ADSS1: variants seen among roughly 807,000 people sequenced by gnomAD.
ADSS1 encodes adenylosuccinate synthetase isozyme 1.
A neutral mutation model predicts 59.1 loss-of-function variants in ADSS1; 57 were observed. That is an observed-to-expected ratio of 0.97 (90% CI 0.78 to 1.20). The LOEUF (loss-of-function observed/expected upper bound fraction) is 1.20. Ranked by LOEUF, ADSS1 falls within the 50% of genes most tolerant of loss-of-function variation. ADSS1 has a pLI of 0.00. For missense variants in ADSS1, 603 were observed against 610.3 expected, an observed-to-expected ratio of 0.99 and a Z score of 0.13; for synonymous variants, 247 against 249.4, an observed-to-expected ratio of 0.99 and a Z score of 0.09.
chr14:104,740,676 C>T lies in ADSS1; in HGVS notation c.552C>T (p.Asp184=), dbSNP rs1286201304. 2 of 1,614,000 alleles carry T rather than the reference C, an allele frequency of 1.2e-6. No homozygotes were observed. Among genetic ancestry groups the T allele is most frequent in the Non-Finnish European group, 8.5e-7 (1 of 1,180,006 alleles). The change falls in exon 6 of 13, where the codon GAC becomes GAT. Residue 184 remains aspartate, a synonymous_variant. Coordinates refer to ENST00000330877, the MANE Select transcript of ADSS1 (RefSeq NM_152328.5). The surrounding 1 kb of genome is among the most constrained non-coding windows in gnomAD (Gnocchi z 4.8). ...CCCGGACAGGCCTCCGCATCTGCGA[C>T]CTCCTGTCAGATTTTGATGAGTTTT... The part of the protein sequence containing the change: ...KAARTGLRIC[D]LLSDFDEFSS...
chr14:104,736,188 G>A (rs916683466), intron 2 of ADSS1, among the ~76,000 whole-genome samples: 2 of 152,226 alleles, frequency 1.3e-5, no homozygotes, highest in Admixed American at 6.5e-5. Flanking sequence ...GTGGGGCCAG[G>A]ACAGTGTGGG....
chr14:104,738,272 A>T (rs1034746860), intron 2 of ADSS1, 104 bp from the exon 3 acceptor site: 17 of 1,217,258 alleles, frequency 1.4e-5, no homozygotes, highest in Non-Finnish European at 1.8e-5. Flanking sequence ...TGCTAGGATT[A>T]CAGGCATGAG....
chr14:104,746,155 G>T, intron 11 of ADSS1, 81 bp from the exon 12 acceptor site: 1 of 1,523,740 alleles, frequency 6.6e-7, no homozygotes, highest in South Asian at 1.3e-5. Context: ...CCTGGATGGG[G>T]GTGGCCGTGT....
intron 1 of ADSS1, chr14:104,729,665 G>T: frequency 1.1e-5 from 1 of 90,324 alleles, no homozygotes; most frequent in Non-Finnish European, 1.8e-5. Flanking sequence ...CGTCGGCGTC[G>T]TGGGGAGGAG....
In ADSS1 at chr14:104,733,286, G is replaced by C. The variant is rs549990799; in HGVS notation, c.193-1734G>C. On this transcript the variant is annotated intron_variant, in intron 1 of 12. Coordinates refer to ENST00000330877, the MANE Select transcript of ADSS1 (RefSeq NM_152328.5). ...GACTGGGCCCAGCCAGGCAGGGCCA[G>C]GCAGAAGTCAGGGCGTGGAGGTGGG... Among the ~76,000 whole-genome samples, 17 of 152,322 alleles carry C rather than the reference G, an allele frequency of 1.1e-4. No individual in the cohort carries two copies. In the South Asian group the frequency reaches 3.5e-3, roughly 32 times the overall value.
chr14:104,725,525 G>C (rs947766418), intron 1 of ADSS1, among the ~76,000 whole-genome samples: 2 of 152,004 alleles, frequency 1.3e-5, no homozygotes, highest in Non-Finnish European at 2.9e-5. Flanking sequence ...AGGGCTGTCC[G>C]AGCCCCTCCT....
chr14:104,741,046 A>G lies in ADSS1; in HGVS notation c.667-71A>G. On this transcript the variant is annotated intron_variant, in intron 7 of 12. Transcript: ENST00000330877. ...ACTAGGCATTGTTATGGGCTGGCCA[A>G]CCTTCTTGGGACGCAGGCCTCCCCT... The G allele has an allele frequency of 3.8e-6, 6 of 1,588,292 alleles. No homozygotes were observed. In the South Asian group the frequency reaches 5.7e-5, roughly 15 times the overall value.
At chr14:104,745,326 T>TA (rs1366463897) in intron 11 of ADSS1, 1 of 160,382 alleles carries the variant, frequency 6.2e-6, no homozygotes, top group Non-Finnish European at 1.4e-5. Context: ...TCTGAGAAAA[T>TA]ACGCTTTGTG....
At chr14:104,731,167 C>T (rs1890919093) in intron 1 of ADSS1, among the ~76,000 whole-genome samples, 3 of 152,296 alleles carry the variant, frequency 2.0e-5, no homozygotes, top group East Asian at 3.9e-4. Context: ...TGTTCTGCAC[C>T]ATCCATCTTC....
rs1352286449 is a variant in ADSS1, at chr14:104,740,141, A to G, written c.476+325A>G. 6.6e-6 allele frequency among the ~76,000 whole-genome samples: 1 copy of G among 152,130 alleles called. No individual in the cohort carries two copies. Among genetic ancestry groups the G allele is most frequent in the African/African-American group, 2.4e-5 (1 of 41,412 alleles). On this transcript the variant is annotated intron_variant, in intron 5 of 12. Coordinates refer to ENST00000330877, the MANE Select transcript of ADSS1 (RefSeq NM_152328.5). This position sits in a 1 kb window ranked among gnomAD's most constrained non-coding sequence, Gnocchi z 4.8. The stretch of plus-strand genomic sequence containing the variant: ...CCCCAGGGAAGACACGAGGAACACT[A>G]AAGCAGTTTAGTAGAACCTCAGATG...
intron 5 of ADSS1, 26 bp downstream of exon 5, chr14:104,739,842 C>T (rs757584829): frequency 2.5e-6 from 4 of 1,612,450 alleles, no homozygotes; most frequent in East Asian, 4.5e-5. Flanking sequence ...CACTCTCACC[C>T]TCGGGGAGTC....
chr14:104,739,603 A>G (rs1891258512), intron 4 of ADSS1, 147 bp from the exon 5 acceptor site: 1 of 985,034 alleles, frequency 1.0e-6, no homozygotes, highest in Non-Finnish European at 1.5e-6. Context: ...CCAGACACTC[A>G]TGGTCACACC....
chr14:104,740,924 A>G lies in ADSS1; in HGVS notation c.666+4A>G. 6.2e-7 allele frequency: 1 copy of G among 1,613,890 alleles called. No homozygotes were observed. The highest frequency in any genetic ancestry group is 8.5e-7 in the Non-Finnish European group (1 of 1,180,002). ...AGGCCAACTCAAAAGGCTCAAGGTG[A>G]AGTCGGGGCCGCAGTGTGGGGGCTG... On this transcript the variant is annotated splice_donor_region_variant and intron_variant, in intron 7 of 12. Transcript: ENST00000330877. This position sits in a 1 kb window ranked among gnomAD's most constrained non-coding sequence, Gnocchi z 4.8.
At position 104,740,673 on chromosome 14, in the gene ADSS1, C is replaced by G; in HGVS notation, c.549C>G (p.Cys183Trp). Residue 183 changes from cysteine to tryptophan, a missense_variant, in exon 6 of 13, where the codon TGC (cysteine) becomes TGG (tryptophan). Physicochemically the swap from Cys to Trp is radical, Grantham distance 215. Transcript: ENST00000330877. The surrounding 1 kb of genome is among the most constrained non-coding windows in gnomAD (Gnocchi z 4.8). Reference protein sequence around the residue: ...SKAARTGLRICDLLSDFDEFS... With the variant: ...SKAARTGLRIWDLLSDFDEFS... ...CTGCCCGGACAGGCCTCCGCATCTG[C>G]GACCTCCTGTCAGATTTTGATGAGT... 1 of 1,613,942 alleles carries G rather than the reference C, an allele frequency of 6.2e-7. No individual in the cohort carries two copies. Among genetic ancestry groups the G allele is most frequent in the Non-Finnish European group, 8.5e-7 (1 of 1,180,000 alleles).
chr14:104,744,416 TG>T (rs1447633668), intron 10 of ADSS1: 2 of 178,454 alleles, frequency 1.1e-5, no homozygotes, highest in African/African-American at 4.7e-5. Flanking sequence ...GGGACCAGTT[TG>T]GCGGGAGATG....
In ADSS1 at chr14:104,730,159, C is replaced by T. The variant is rs1299267257; in HGVS notation, c.193-4861C>T. 2.6e-6 allele frequency: 4 copies of T among 1,542,056 alleles called. No homozygotes were observed. The highest frequency in any genetic ancestry group is 3.5e-6 in the Non-Finnish European group (4 of 1,141,672). On this transcript the variant is annotated intron_variant, in intron 1 of 12. Transcript: ENST00000330877. The stretch of plus-strand genomic sequence containing the variant: ...ACGGGTCAAATGCAGGAGGCCACAC[C>T]TGCCTGCCCAGGAGGACTGCAGGAG...
chr14:104,743,507 A>T, intron 10 of ADSS1: 2 of 296,924 alleles, frequency 6.7e-6, no homozygotes, highest in South Asian at 7.4e-5. Context: ...GAAAGGATGC[A>T]CTGTCATCCT....
chr14:104,743,270 A>G, intron 10 of ADSS1, 79 bp downstream of exon 10: 2 of 1,563,942 alleles, frequency 1.3e-6, no homozygotes, highest in East Asian at 2.3e-5. Context: ...CACTTGACGC[A>G]GGGGCTGAGG....
chr14:104,741,928 G>C lies in ADSS1; in HGVS notation c.874G>C (p.Gly292Arg). Reference protein sequence around the residue: ...TGLGIPPQNIGDVYGVVKAYT... With the variant: ...TGLGIPPQNIRDVYGVVKAYT... Reference sequence around the variant, plus strand: ...CCTGGGCATCCCCCCGCAGAACATAGGTGACGTGTATGGCGTGGTGAAAGC... The same window carrying C: ...CCTGGGCATCCCCCCGCAGAACATACGTGACGTGTATGGCGTGGTGAAAGC... The change falls in exon 9 of 13, where the codon GGT (glycine) becomes CGT (arginine). Residue 292 changes from glycine (G) to arginine (R), a missense_variant. By Grantham distance (125) the Gly-to-Arg change is moderately radical. Transcript: ENST00000330877. 6.2e-7 allele frequency: 1 copy of C among 1,613,498 alleles called. No homozygotes were observed. Among genetic ancestry groups the C allele is most frequent in the Non-Finnish European group, 8.5e-7 (1 of 1,180,018 alleles).
Sources: allele counts gnomAD v4.1 joint callset (sites outside exome capture counted in the v4.1 genomes callset), GRCh38; gene constraint gnomAD v4.1.1; non-coding constraint Gnocchi (gnomAD v3.1); transcripts MANE v1.5; gene names NCBI Gene and HGNC (gene_info 2026-07-23, HGNC 2026-07-21).